TNR: variants seen among roughly 807,000 people sequenced by gnomAD.
The protein encoded by TNR is tenascin-R.
TNR carries 45 observed loss-of-function variants against 150.4 expected under a neutral mutation model. That is an observed-to-expected ratio of 0.30 (90% CI 0.24 to 0.38). The LOEUF is 0.38. Among genes scored for constraint, TNR ranks in the 10% least tolerant of loss-of-function variants. TNR has a pLI of 1.00. For missense variants in TNR, 1,544 were observed against 1,759.1 expected, an observed-to-expected ratio of 0.88 and a Z score of 2.19; for synonymous variants, 687 against 678.4, an observed-to-expected ratio of 1.01 and a Z score of -0.20.
At chr1:175,384,412 T>TA (rs1250876019) in intron 8 of TNR, among the ~76,000 whole-genome samples, 1 of 152,196 alleles carries the variant, frequency 6.6e-6, no homozygotes, top group Non-Finnish European at 1.5e-5. Context: ...ATATGTTCAG[T>TA]AAAAATCCCA....
intron 1 of TNR, among the ~76,000 whole-genome samples, chr1:175,586,877 T>C (rs377294324): frequency 6.6e-6 from 1 of 152,328 alleles, no homozygotes; most frequent in African/African-American, 2.4e-5. Context: ...AGACCAAAGT[T>C]GTAGGGATGA....
chr1:175,523,162 G>A (rs1659710585), intron 2 of TNR, among the ~76,000 whole-genome samples: 1 of 152,172 alleles, frequency 6.6e-6, no homozygotes, highest in Admixed American at 6.5e-5. Context: ...TCCCTTGACT[G>A]GGGAGGTGAG....
At chr1:175,494,121 C>T (rs1180516775) in intron 2 of TNR, among the ~76,000 whole-genome samples, 1 of 152,140 alleles carries the variant, frequency 6.6e-6, no homozygotes, top group African/African-American at 2.4e-5. Context: ...GTCACTGTGC[C>T]GCCCTTCTCT....
At chr1:175,418,572 A>C (rs1654611128) in intron 2 of TNR, among the ~76,000 whole-genome samples, 1 of 152,192 alleles carries the variant, frequency 6.6e-6, no homozygotes, top group South Asian at 2.1e-4. Flanking sequence ...GAATACAAAA[A>C]TTAGTTGGGC....
chr1:175,714,931 A>G (rs945256992), intron 1 of TNR, among the ~76,000 whole-genome samples: 1 of 152,082 alleles, frequency 6.6e-6, no homozygotes, highest in Non-Finnish European at 1.5e-5. Context: ...CCCCAAAGAG[A>G]TCCCAGGGCA....
At chr1:175,575,474 T>C (rs1284644318) in intron 1 of TNR, among the ~76,000 whole-genome samples, 1 of 152,226 alleles carries the variant, frequency 6.6e-6, no homozygotes, top group South Asian at 2.1e-4. Flanking sequence ...ACCCTCAGCC[T>C]GTCACAGCCT....
intron 1 of TNR, among the ~76,000 whole-genome samples, chr1:175,610,424 T>C (rs1397257423): frequency 6.6e-6 from 1 of 152,248 alleles, no homozygotes; most frequent in Non-Finnish European, 1.5e-5. Flanking sequence ...TCTTCATTCC[T>C]GGCCAATTGA....
At chr1:175,530,119 C>T (rs759541336) in intron 1 of TNR, among the ~76,000 whole-genome samples, 6 of 152,200 alleles carry the variant, frequency 3.9e-5, no homozygotes, top group Non-Finnish European at 7.3e-5. Context: ...CTCCCAATCT[C>T]GGTTCCTTAA....
intron 1 of TNR, among the ~76,000 whole-genome samples, chr1:175,568,514 C>T (rs1661733118): frequency 6.6e-6 from 1 of 152,188 alleles, no homozygotes; most frequent in South Asian, 2.1e-4. Context: ...CTCCATCCAT[C>T]AGTCCTTTGC....
intron 1 of TNR, among the ~76,000 whole-genome samples, chr1:175,623,788 A>G (rs752677279): frequency 1.3e-5 from 2 of 152,230 alleles, no homozygotes; most frequent in Non-Finnish European, 2.9e-5. Context: ...GGAAGAATTG[A>G]CATAGGAGTC....
intron 1 of TNR, among the ~76,000 whole-genome samples, chr1:175,625,161 G>A (rs1050460275): frequency 2.0e-5 from 3 of 152,220 alleles, no homozygotes; most frequent in Admixed American, 6.5e-5. Context: ...TGGCTTCTAC[G>A]ATTCCCAAGT....
intron 2 of TNR, among the ~76,000 whole-genome samples, chr1:175,512,866 C>T (rs1659247224): frequency 6.6e-6 from 1 of 152,194 alleles, no homozygotes; most frequent in South Asian, 2.1e-4. Context: ...CACACTTCCC[C>T]TTTTAGGTAA....
intron 18 of TNR, among the ~76,000 whole-genome samples, chr1:175,342,004 C>T (rs1003901987): frequency 3.3e-5 from 5 of 152,224 alleles, no homozygotes; most frequent in Admixed American, 2.0e-4. Flanking sequence ...TTTCTCACAG[C>T]GTCTTCCAGT....
chr1:175,403,067 A>G, intron 4 of TNR, 73 bp downstream of exon 4: 1 of 1,279,886 alleles, frequency 7.8e-7, no homozygotes, highest in Non-Finnish European at 1.1e-6. Flanking sequence ...CTTTCTTCCC[A>G]AGCTAACTGG....
chr1:175,708,018 TTGTGTGTGTGTGTGTG>T (rs10676470), intron 1 of TNR, among the ~76,000 whole-genome samples: 9 of 144,750 alleles, frequency 6.2e-5, no homozygotes, highest in South Asian at 4.5e-4. Flanking sequence ...ATGTGTGTGT[TTGTGTGTGTGTGTGTG>T]TGTGTGTGTG....
intron 2 of TNR, among the ~76,000 whole-genome samples, chr1:175,482,821 G>A (rs1009430998): frequency 6.6e-6 from 1 of 152,184 alleles, no homozygotes; most frequent in East Asian, 1.9e-4. Flanking sequence ...CTTGTACTAA[G>A]AGAGCAGAAA....
intron 2 of TNR, among the ~76,000 whole-genome samples, chr1:175,455,326 A>G (rs1351334337): frequency 6.6e-6 from 1 of 152,226 alleles, no homozygotes; most frequent in African/African-American, 2.4e-5. Flanking sequence ...GTGGTTTGTT[A>G]CACTGATAAT....
At chr1:175,461,960 T>G (rs1387225955) in intron 2 of TNR, among the ~76,000 whole-genome samples, 1 of 152,214 alleles carries the variant, frequency 6.6e-6, no homozygotes, top group East Asian at 1.9e-4. Flanking sequence ...CTTGGCGAAC[T>G]ACTTTCGCTA....
rs1438826968 is a variant in TNR, at chr1:175,496,475, C to G, written c.-64+31794G>C. Among the ~76,000 whole-genome samples, 6 of 152,202 alleles carry G rather than the reference C, an allele frequency of 3.9e-5. 1 individual carries two copies. Among genetic ancestry groups the G allele is most frequent in the South Asian group, 4.1e-4 (2 of 4,820 alleles). On this transcript the variant is annotated intron_variant, in intron 2 of 22. Transcript: ENST00000367674. The stretch of plus-strand genomic sequence containing the variant: ...GACTCGGGGCTGCCATATGCAGAAG[C>G]ATCTCTGGCACTGTTTACTGAAGTC...
Sources: gnomAD v4.1 joint callset for allele counts (sites outside exome capture counted in the v4.1 genomes callset) on GRCh38, gnomAD v4.1.1 for gene constraint, MANE v1.5 for transcripts, NCBI Gene and HGNC (gene_info 2026-07-23, HGNC 2026-07-21) for gene names.